SCRIB: variants seen among roughly 807,000 people sequenced by gnomAD.
SCRIB encodes the protein protein scribble homolog.
A neutral mutation model predicts 170.0 loss-of-function variants in SCRIB; 72 were observed. The ratio of observed to expected loss-of-function variants is 0.42; its 90% CI spans 0.35 to 0.52. The LOEUF is 0.52. Ranked by LOEUF, SCRIB falls within the 20% of genes least tolerant of loss-of-function variation. The pLI is 0.02. For missense variants in SCRIB, 2,475 were observed against 2,338.5 expected (o/e 1.06, Z -1.20); for synonymous variants, 1,298 against 1,044.3 (o/e 1.24, Z -4.68).
chr8:143,811,408 G>A (rs1293630409), intron 9 of SCRIB, 63 bp from the exon 10 acceptor site: 4 of 1,466,430 alleles, frequency 2.7e-6, no homozygotes, highest in African/African-American at 2.8e-5. Flanking sequence ...GGAGATGACA[G>A]CCCCTGGCAG....
intron 21 of SCRIB, 112 bp downstream of exon 21, chr8:143,804,456 G>A (rs1815317978): frequency 8.5e-7 from 1 of 1,180,536 alleles, no homozygotes; most frequent in Non-Finnish European, 1.1e-6. Flanking sequence ...AGGGCGAGCA[G>A]GCCGGCTTCC....
Position 143,791,784 on chromosome 8 carries a change from A to AG in SCRIB, c.4696-45dup, listed in dbSNP as rs781900364. 30 of 926,484 alleles carry AG rather than the reference A, an allele frequency of 3.2e-5. No homozygotes were observed. In the East Asian group the frequency reaches 4.6e-4, roughly 14 times the overall value. 57.4% of individuals were successfully genotyped at this position (926,484 alleles called of 1,614,324 possible). On this transcript the variant is annotated intron_variant, in intron 34 of 36. Coordinates refer to ENST00000356994, the MANE Select transcript of SCRIB (RefSeq NM_182706.5). ...GGGGAGAGGCAGAGAGTGAGAGGAA[A>AG]GGGGGGGATGAGGGCCACGGGGGTG...
At chr8:143,800,508 C>G (rs1377216645) in intron 24 of SCRIB, among the ~76,000 whole-genome samples, 2 of 152,172 alleles carry the variant, frequency 1.3e-5, no homozygotes, top group African/African-American at 4.8e-5. Context: ...TTTACAAATC[C>G]AGGTGAGGAT....
chr8:143,807,041 G>A (rs375486533), intron 16 of SCRIB, 28 bp from the exon 17 acceptor site: 18 of 1,543,258 alleles, frequency 1.2e-5, no homozygotes, highest in Admixed American at 6.9e-5. Flanking sequence ...AGGGTGTCTA[G>A]AAGGGCCGCA....
chr8:143,796,313 G>A (rs2130016127), intron 24 of SCRIB, among the ~76,000 whole-genome samples: 1 of 152,278 alleles, frequency 6.6e-6, no homozygotes, highest in Admixed American at 6.5e-5. Flanking sequence ...GCAGCACAGT[G>A]GACACAGGCA....
At chr8:143,793,124 T>C in intron 28 of SCRIB, 41 bp from the exon 29 acceptor site, 1 of 1,195,842 alleles carries the variant, frequency 8.4e-7, no homozygotes, top group Non-Finnish European at 1.1e-6. Context: ...GGGGCAGCTG[T>C]CGGGGCTGCA....
At chr8:143,802,017 G>A (rs1554635063) in intron 24 of SCRIB, among the ~76,000 whole-genome samples, 1 of 152,244 alleles carries the variant, frequency 6.6e-6, no homozygotes, top group Non-Finnish European at 1.5e-5. Flanking sequence ...TTCCCTGAGG[G>A]AGCTCGCTCC....
At position 143,808,785 on chromosome 8, in the gene SCRIB, T is replaced by C. The variant is rs374089441; in HGVS notation, c.1939A>G (p.Asn647Asp). Residue 647 changes from asparagine (N) to aspartate (D), a missense_variant, in exon 15 of 37, where the codon AAT becomes GAT. Asn to Asp is a conservative substitution (Grantham distance 23). Around this residue, in one of 3 missense-constraint regions of SCRIB, gnomAD observed 1,966 missense variants for 1,742.9 expected, o/e 1.13. Coordinates refer to ENST00000356994, the MANE Select transcript of SCRIB (RefSeq NM_182706.5). ...GGAGCCCAGGGTGCGTGGGGGCCATTGTGCCAGCCCCCGGGAGCCACAGGG... is the reference window on the plus strand; with the variant it reads ...GGAGCCCAGGGTGCGTGGGGGCCATCGTGCCAGCCCCCGGGAGCCACAGGG... ...EGPVAPGGWH[N>D]GPHAPWAPRA... is the part of the protein sequence containing the mutation. 6 of 1,611,114 alleles carry C rather than the reference T, an allele frequency of 3.7e-6. No individual in the cohort carries two copies. In the African/African-American group the frequency reaches 4.0e-5, roughly 11 times the overall value.
chr8:143,809,171 G>A (rs956442269), intron 14 of SCRIB, 146 bp from the exon 15 acceptor site: 12 of 1,124,990 alleles, frequency 1.1e-5, no homozygotes, highest in African/African-American at 3.1e-5. Context: ...TGAGGGGCGC[G>A]TGTCTCAGCC....
At chr8:143,800,590 C>G (rs951452130) in intron 24 of SCRIB, among the ~76,000 whole-genome samples, 1 of 152,222 alleles carries the variant, frequency 6.6e-6, no homozygotes. Context: ...AAAGATAACC[C>G]CAAGGCTGGG....
intron 17 of SCRIB, 84 bp from the exon 18 acceptor site, chr8:143,806,568 G>C: frequency 8.8e-7 from 1 of 1,140,774 alleles, no homozygotes; most frequent in Non-Finnish European, 1.3e-6. Flanking sequence ...AGGAGGGGAA[G>C]ACCCACTCCC....
chr8:143,814,303 C>T (rs1359267498), intron 1 of SCRIB, among the ~76,000 whole-genome samples, 185 bp from the exon 2 acceptor site: 3 of 152,124 alleles, frequency 2.0e-5, no homozygotes, highest in African/African-American at 7.2e-5. Context: ...ACGGTACACA[C>T]GCCCACTGTG....
At position 143,806,393 on chromosome 8, in the gene SCRIB, G is replaced by C; in HGVS notation, c.2346+14C>G. On this transcript the variant is annotated intron_variant, in intron 18 of 36. Transcript: ENST00000356994. ...GCACAGCTGCCACTCGGGGCGGAGA[G>C]GTTGCCGACTCACCTCCAGGAGCTT... 1 of 1,593,868 alleles carries C rather than the reference G, an allele frequency of 6.3e-7. No individual in the cohort carries two copies. Among genetic ancestry groups the C allele is most frequent in the Non-Finnish European group, 8.6e-7 (1 of 1,168,970 alleles).
rs781953209 is a variant in SCRIB at position 143,807,594 on chromosome 8, G to A, written c.2136C>T (p.Ala712=). 9 of 1,613,926 alleles carry A rather than the reference G, an allele frequency of 5.6e-6. No individual in the cohort carries two copies. Among genetic ancestry groups the A allele is most frequent in the Middle Eastern group, 1.6e-4 (1 of 6,062 alleles). ...PSVKGVSFDQ[A]NNLLIEPARI... ...GAGCAGGCTCTATCAGCAGGTTATT[G>A]GCCTGGTCAAACGACACTCCCTGTT... The change falls in exon 16 of 37, where the codon GCC becomes GCT. Residue 712 remains alanine, a synonymous_variant. Coordinates refer to ENST00000356994, the MANE Select transcript of SCRIB (RefSeq NM_182706.5).
chr8:143,805,134 G>A lies in SCRIB; in HGVS notation c.2648C>T (p.Thr883Ile), dbSNP rs1554636153. Residue 883 changes from threonine to isoleucine, a missense_variant, in exon 19 of 37, where the codon ACA becomes ATA. Physicochemically the swap from Thr to Ile is moderately conservative, Grantham distance 89. This residue lies in a region of SCRIB where 1,966 missense variants were observed against 1,742.9 expected (regional missense o/e 1.13). Coordinates refer to ENST00000356994, the MANE Select transcript of SCRIB (RefSeq NM_182706.5). ...GFSIAGGKGSTPYRAGDAGIF... is the reference protein window; with the variant it reads ...GFSIAGGKGSIPYRAGDAGIF... ...CACCGCATCACCAGCCCTGTAGGGT[G>A]TGGAGCCTTTCCCACCAGCAATGCT... 1.3e-6 allele frequency: 2 copies of A among 1,585,854 alleles called. No homozygotes were observed. The highest frequency in any genetic ancestry group is 1.3e-5 in the African/African-American group (1 of 74,402).
chr8:143,791,046 C>T lies in SCRIB; in HGVS notation c.*117G>A. 8.8e-7 allele frequency: 1 copy of T among 1,139,516 alleles called. No individual in the cohort carries two copies. The highest frequency in any genetic ancestry group is 1.1e-6 in the Non-Finnish European group (1 of 885,598). 70.6% of individuals were successfully genotyped at this position (1,139,516 alleles called of 1,614,324 possible). On this transcript the variant is annotated 3_prime_UTR_variant, in exon 37 of 37. Transcript: ENST00000356994. Reference sequence around the variant, plus strand: ...GTGGGGCAGTTAGTTAGTCACAGGCCAGAACTCCTGTGGGGTCTCTTTAAA... The same window carrying T: ...GTGGGGCAGTTAGTTAGTCACAGGCTAGAACTCCTGTGGGGTCTCTTTAAA...
chr8:143,797,392 C>T (rs1283486287), intron 24 of SCRIB, among the ~76,000 whole-genome samples: 2 of 152,180 alleles, frequency 1.3e-5, no homozygotes, highest in Non-Finnish European at 2.9e-5. Context: ...CAGGAAGCTG[C>T]CTGATGAGTA....
In SCRIB at chr8:143,813,383, G is replaced by A. The variant is rs13251492; in HGVS notation, c.504-9C>T. On this transcript the variant is annotated splice_polypyrimidine_tract_variant and intron_variant, in intron 5 of 36. Transcript: ENST00000356994. ...CCAGAAATGACAGGGACCTGCAGAG[G>A]AAGCAGGGTGGAGGTGTGGCCACGC... 484,287 of 1,612,962 alleles carry A rather than the reference G, an allele frequency of 0.3. 75,818 individuals carry two copies. Among genetic ancestry groups the A allele is most frequent in the East Asian group, 0.61 (27,387 of 44,864 alleles).
chr8:143,803,665 C>T lies in SCRIB; in HGVS notation c.3396G>A (p.Glu1132=). 1 of 1,563,840 alleles carries T rather than the reference C, an allele frequency of 6.4e-7. No homozygotes were observed. The highest frequency in any genetic ancestry group is 8.6e-7 in the Non-Finnish European group (1 of 1,160,776). ...GGCTCACCTTGGAGATGAAGATGCC[C>T]TCGTCTGTGGGGTCGCGGGGGTTGC... ...HAGNPRDPTD[E]GIFISKVSPT... The change falls in exon 23 of 37, where the codon GAG becomes GAA. Residue 1132 remains glutamate (E), a synonymous_variant. Coordinates refer to ENST00000356994, the MANE Select transcript of SCRIB (RefSeq NM_182706.5).
Sources: allele counts gnomAD v4.1 joint callset (sites outside exome capture counted in the v4.1 genomes callset), GRCh38; gene constraint gnomAD v4.1.1; regional missense constraint gnomAD v4.1.1; transcripts MANE v1.5; gene names NCBI Gene and HGNC (gene_info 2026-07-23, HGNC 2026-07-21).